The following TAFA2 variants were observed in gnomAD, a reference collection of about 807,000 sequenced individuals.
TAFA2 encodes chemokine-like protein TAFA-2.
TAFA2 carries 7 observed loss-of-function variants against 18.8 expected under a neutral mutation model. The ratio of observed to expected loss-of-function variants is 0.37; its 90% CI spans 0.21 to 0.70. The LOEUF (loss-of-function observed/expected upper bound fraction) is 0.70. Among genes scored for constraint, TAFA2 ranks in the 30% least tolerant of loss-of-function variants. TAFA2 has a pLI of 0.53. For missense variants in TAFA2, 122 were observed against 158.1 expected (o/e 0.77, Z 1.23); for synonymous variants, 60 against 54.2 (o/e 1.11, Z -0.47).
intron 2 of TAFA2, among the ~76,000 whole-genome samples, chr12:61,786,446 C>T (rs138280142): frequency 6.6e-6 from 1 of 151,542 alleles, no homozygotes; most frequent in African/African-American, 2.4e-5. Context: ...AAATGACCAG[C>T]CACGCACAGA....
intron 1 of TAFA2, among the ~76,000 whole-genome samples, chr12:61,903,444 C>G (rs1258948029): frequency 1.3e-5 from 2 of 152,164 alleles, no homozygotes; most frequent in African/African-American, 2.4e-5. Flanking sequence ...ACACTGCTAT[C>G]AATAATTTAT....
At chr12:61,941,865 GA>G (rs1257759645) in intron 1 of TAFA2, among the ~76,000 whole-genome samples, 4 of 152,268 alleles carry the variant, frequency 2.6e-5, no homozygotes, top group African/African-American at 9.6e-5. Flanking sequence ...AGGCGGCAGC[GA>G]GGCTGGGGGA....
intron 1 of TAFA2, among the ~76,000 whole-genome samples, chr12:62,079,663 CAA>C (rs372534984): frequency 2.4e-5 from 3 of 122,536 alleles, no homozygotes; most frequent in Admixed American, 1.7e-4. Context: ...GACTCTGTCT[CAA>C]AAAAAAAAAA....
chr12:61,776,896 T>C (rs980914506), intron 2 of TAFA2, among the ~76,000 whole-genome samples: 2 of 151,910 alleles, frequency 1.3e-5, no homozygotes, highest in South Asian at 4.1e-4. Flanking sequence ...GTGTTAATCT[T>C]GTCCATAATT....
At chr12:61,840,213 G>A (rs1409501731) in intron 2 of TAFA2, among the ~76,000 whole-genome samples, 3 of 152,000 alleles carry the variant, frequency 2.0e-5, no homozygotes, top group African/African-American at 7.2e-5. Flanking sequence ...GAAGTGGGAA[G>A]CAGTGGCATT....
chr12:61,723,643 C>T (rs963109926), intron 4 of TAFA2, among the ~76,000 whole-genome samples: 11 of 152,012 alleles, frequency 7.2e-5, no homozygotes, highest in Admixed American at 7.2e-4. Flanking sequence ...AATTTATTCT[C>T]ACTTGGAAAA....
chr12:61,968,941 TG>T (rs2136662428), intron 1 of TAFA2, among the ~76,000 whole-genome samples: 1 of 151,816 alleles, frequency 6.6e-6, no homozygotes, highest in East Asian at 1.9e-4. Context: ...TAGGTTATGC[TG>T]AAGGAGTTTG....
At chr12:61,856,808 C>A (rs531963855) in intron 2 of TAFA2, among the ~76,000 whole-genome samples, 1 of 151,774 alleles carries the variant, frequency 6.6e-6, no homozygotes, top group African/African-American at 2.4e-5. Flanking sequence ...TGGGGAAAAA[C>A]AGTTATATAT....
At chr12:62,240,265 A>G (rs1592415693) in intron 1 of TAFA2, among the ~76,000 whole-genome samples, 2 of 151,992 alleles carry the variant, frequency 1.3e-5, no homozygotes, top group Middle Eastern at 6.8e-3. Flanking sequence ...TTAAAAATAC[A>G]AAAATTAGCT....
chr12:62,079,717 A>G (rs1335416759), intron 1 of TAFA2, among the ~76,000 whole-genome samples: 2 of 152,102 alleles, frequency 1.3e-5, no homozygotes, highest in Non-Finnish European at 2.9e-5. Flanking sequence ...GTGATCAAAA[A>G]TCAACATTCC....
At chr12:62,046,903 T>C (rs558473385) in intron 1 of TAFA2, among the ~76,000 whole-genome samples, 3 of 152,188 alleles carry the variant, frequency 2.0e-5, no homozygotes, top group East Asian at 3.9e-4. Context: ...TATTATTATT[T>C]TTTATCTTTT....
intron 1 of TAFA2, among the ~76,000 whole-genome samples, chr12:62,123,772 C>CCA (rs369871302): frequency 0.049 from 3,369 of 68,980 alleles, 62 homozygotes; most frequent in African/African-American, 0.097. Flanking sequence ...ATCTCCCCCA[C>CCA]CACACACATA....
chr12:62,209,431 C>A (rs187145515), intron 1 of TAFA2, among the ~76,000 whole-genome samples: 827 of 152,340 alleles, frequency 5.4e-3, no homozygotes, highest in South Asian at 0.013. Flanking sequence ...CAATGCTGAA[C>A]TGTGAGTCAA....
chr12:62,069,730 G>T (rs1273037984), intron 1 of TAFA2, among the ~76,000 whole-genome samples: 1 of 152,162 alleles, frequency 6.6e-6, no homozygotes, highest in Admixed American at 6.5e-5. Context: ...CCCTTTGGTT[G>T]TTTGAATTTT....
At chr12:61,897,483 G>A (rs184462048) in intron 1 of TAFA2, among the ~76,000 whole-genome samples, 130 of 152,270 alleles carry the variant, frequency 8.5e-4, no homozygotes, top group African/African-American at 3.0e-3. Flanking sequence ...GGAAGCCTCA[G>A]GAAACTTACT....
intron 2 of TAFA2, among the ~76,000 whole-genome samples, chr12:61,830,210 T>C (rs1219066916): frequency 1.3e-5 from 2 of 150,218 alleles, no homozygotes; most frequent in African/African-American, 4.9e-5. Context: ...GGTATGTATA[T>C]GTATATGTAT....
At chr12:61,868,175 A>T (rs992464467) in intron 1 of TAFA2, among the ~76,000 whole-genome samples, 1 of 152,198 alleles carries the variant, frequency 6.6e-6, no homozygotes, top group African/African-American at 2.4e-5. Context: ...TTTCTCCAGC[A>T]CTTTCTACAG....
At chr12:62,242,706 T>C (rs931941404) in intron 1 of TAFA2, 1 of 152,244 alleles carries the variant, frequency 6.6e-6, no homozygotes, top group Non-Finnish European at 1.5e-5. Context: ...GATGGCAGTA[T>C]GCACATATTA....
chr12:61,717,650 T>G (rs1255777004), intron 4 of TAFA2, among the ~76,000 whole-genome samples: 2 of 152,064 alleles, frequency 1.3e-5, no homozygotes, highest in Non-Finnish European at 2.9e-5. Flanking sequence ...GTGGAAAGAG[T>G]AATTTCAAAC....
Sources: allele counts gnomAD v4.1 joint callset (sites outside exome capture counted in the v4.1 genomes callset), GRCh38; gene constraint gnomAD v4.1.1; transcripts MANE v1.5; gene names NCBI Gene and HGNC (gene_info 2026-07-23, HGNC 2026-07-21).